Variants in ZNF503 observed in about 807,000 individuals in gnomAD.
The protein encoded by ZNF503 is NocA-like zinc finger 2.
Under a neutral mutation model 34.4 loss-of-function variants are expected in ZNF503, and 15 were observed. That is an observed-to-expected ratio of 0.44 (90% confidence interval 0.29 to 0.67). The LOEUF (loss-of-function observed/expected upper bound fraction) is 0.67, where lower values mean the gene tolerates loss of function less well. Among genes scored for constraint, ZNF503 ranks in the 30% least tolerant of loss-of-function variants. ZNF503 has a pLI of 0.13. For missense variants in ZNF503, 1,007 were observed against 926.8 expected (o/e 1.09, Z -1.12); for synonymous variants, 580 against 456.8 (o/e 1.27, Z -3.44).
chr10:75,400,190 A>C lies in ZNF503; in HGVS notation c.500T>G (p.Ile167Ser), dbSNP rs763071809. The stretch of plus-strand genomic sequence containing the variant: ...GAAACTCGACTTGTCCTCCACGCCG[A>C]TGTCGCTCAGCTTCAGGGGGCCCGA... ...TKSGPLKLSD[I>S]GVEDKSSFKP... The change falls in exon 2 of 2, where the codon ATC (isoleucine) becomes AGC (serine). Residue 167 changes from isoleucine to serine, a missense_variant. Ile to Ser is a moderately radical substitution (Grantham distance 142). Coordinates refer to ENST00000372524, the MANE Select transcript of ZNF503 (RefSeq NM_032772.6). 1.3e-6 allele frequency: 2 copies of C among 1,588,966 alleles called. No individual in the cohort carries two copies. Among genetic ancestry groups the C allele is most frequent in the Non-Finnish European group, 1.7e-6 (2 of 1,170,152 alleles).
the ZNF503 span, among the ~76,000 whole-genome samples, chr10:75,326,164 A>G: frequency 6.6e-6 from 1 of 152,236 alleles, no homozygotes; most frequent in Admixed American, 6.5e-5. Flanking sequence ...TAGAAATACA[A>G]TTGATTTTTT....
At chr10:75,355,345 T>G in the ZNF503 span, among the ~76,000 whole-genome samples, 2 of 152,230 alleles carry the variant, frequency 1.3e-5, no homozygotes, top group African/African-American at 4.8e-5. Context: ...GAATGGGTAA[T>G]CGAAAGACCT....
At chr10:75,339,647 G>A in the ZNF503 span, among the ~76,000 whole-genome samples, 3 of 152,184 alleles carry the variant, frequency 2.0e-5, no homozygotes, top group African/African-American at 7.2e-5. Context: ...TGTCGCCAGC[G>A]AGGAGCCAAG....
rs1037867370 is a variant in ZNF503, at chr10:75,399,520, C to T, written c.1170G>A (p.Val390=). Residue 390 remains valine (V), a synonymous_variant, in exon 2 of 2, where the codon GTG becomes GTA. Coordinates refer to ENST00000372524, the MANE Select transcript of ZNF503 (RefSeq NM_032772.6). ...ALDPTKPGSL[V]GAQLAAAAAG... ...CCGCGGCCGCCGCCAGCTGCGCCCC[C>T]ACCAGGCTGCCCGGCTTGGTGGGGT... 8.2e-6 allele frequency: 13 copies of T among 1,583,186 alleles called. No homozygotes were observed. The highest frequency in any genetic ancestry group is 1.1e-5 in the Non-Finnish European group (13 of 1,171,882).
chr10:75,368,036 G>A, the ZNF503 span, among the ~76,000 whole-genome samples: 3 of 152,154 alleles, frequency 2.0e-5, no homozygotes, highest in Non-Finnish European at 4.4e-5. Flanking sequence ...ATTGAACCTC[G>A]ATAAGCATCT....
the ZNF503 span, chr10:75,284,093 C>T: frequency 1.5e-5 from 2 of 131,220 alleles, no homozygotes; most frequent in African/African-American, 2.8e-5. Flanking sequence ...CCTGTCTGAC[C>T]AATATTTATT....
the ZNF503 span, among the ~76,000 whole-genome samples, chr10:75,375,764 AC>A: frequency 4.6e-5 from 7 of 152,084 alleles, no homozygotes; most frequent in African/African-American, 1.7e-4. Context: ...TGATCTGCCC[AC>A]CTCAGCCTTC....
At chr10:75,348,507 A>ATTTTTT in the ZNF503 span, among the ~76,000 whole-genome samples, 34 of 99,348 alleles carry the variant, frequency 3.4e-4, no homozygotes, top group East Asian at 6.1e-4. Flanking sequence ...CCCTATTACT[A>ATTTTTT]TTTTTTTTTT....
chr10:75,400,154 G>C lies in ZNF503; in HGVS notation c.536C>G (p.Ser179Cys). 1 of 1,561,676 alleles carries C rather than the reference G, an allele frequency of 6.4e-7. No homozygotes were observed. Among genetic ancestry groups the C allele is most frequent in the Non-Finnish European group, 8.7e-7 (1 of 1,153,524 alleles). The stretch of plus-strand genomic sequence containing the variant: ...CTCCTTCTTATCCGAGCCGGGTTTG[G>C]AGTACGGCTTGAAACTCGACTTGTC... ...VEDKSSFKPYSKPGSDKKEPG... is the reference protein window; with the variant it reads ...VEDKSSFKPYCKPGSDKKEPG... The change falls in exon 2 of 2, where the codon TCC becomes TGC. Residue 179 changes from serine to cysteine, a missense_variant. Ser to Cys is a moderately radical substitution (Grantham distance 112). Coordinates refer to ENST00000372524, the MANE Select transcript of ZNF503 (RefSeq NM_032772.6).
the ZNF503 span, among the ~76,000 whole-genome samples, chr10:75,388,548 T>C: frequency 6.6e-6 from 1 of 152,208 alleles, no homozygotes; most frequent in Non-Finnish European, 1.5e-5. Context: ...ACAAGAATAA[T>C]AGACCCTGGA....
rs1843731492 is a variant in ZNF503, at chr10:75,398,530, A to AAGTTTGGGTGGGGAGGTG, written c.*201_*218dup. 1 of 402,722 alleles carries AAGTTTGGGTGGGGAGGTG rather than the reference A, an allele frequency of 2.5e-6. No individual in the cohort carries two copies. Among genetic ancestry groups the AAGTTTGGGTGGGGAGGTG allele is most frequent in the South Asian group, 1.4e-4 (1 of 7,144 alleles). 24.9% of individuals were successfully genotyped at this position (402,722 alleles called of 1,614,324 possible). ...AAATGATATTTTTTCAACTTTTATA[A>AAGTTTGGGTGGGGAGGTG]AGTTTGGGTGGGGAGGTGAAAGTGG... On this transcript the variant is annotated 3_prime_UTR_variant, in exon 2 of 2. Transcript: ENST00000372524.
rs752224677 is a variant in ZNF503, at chr10:75,399,787, G to C, written c.903C>G (p.Gly301=). The C allele has an allele frequency of 6.2e-5, 99 of 1,595,504 alleles. No individual in the cohort carries two copies. Among genetic ancestry groups the C allele is most frequent in the Non-Finnish European group, 8.3e-5 (97 of 1,174,212 alleles). ...NVDVNQHPDG[G]PGGKALGSDC... ...CCGAGCCCAGAGCCTTGCCTCCCGG[G>C]CCCCCATCCGGATGCTGGTTCACAT... The change falls in exon 2 of 2, where the codon GGC becomes GGG. Residue 301 remains glycine, a synonymous_variant. Transcript: ENST00000372524.
At chr10:75,391,201 T>C in the ZNF503 span, among the ~76,000 whole-genome samples, 3 of 152,158 alleles carry the variant, frequency 2.0e-5, no homozygotes, top group Non-Finnish European at 4.4e-5. Flanking sequence ...AACATGACAT[T>C]TCCCAGCCTC....
chr10:75,350,029 G>T, the ZNF503 span, among the ~76,000 whole-genome samples: 3 of 152,180 alleles, frequency 2.0e-5, no homozygotes, highest in Non-Finnish European at 2.9e-5. Context: ...TAAGTGAAAA[G>T]AGCAAGTTTT....
the ZNF503 span, among the ~76,000 whole-genome samples, chr10:75,356,475 A>G: frequency 6.6e-6 from 1 of 152,232 alleles, no homozygotes; most frequent in Non-Finnish European, 1.5e-5. Flanking sequence ...TCAGCCTCCC[A>G]AAGTGCTGGG....
At chr10:75,302,594 C>T in the ZNF503 span, among the ~76,000 whole-genome samples, 1 of 152,192 alleles carries the variant, frequency 6.6e-6, no homozygotes, top group South Asian at 2.1e-4. Context: ...GTCTAGTATA[C>T]ATACACACAG....
At chr10:75,300,661 C>T in the ZNF503 span, among the ~76,000 whole-genome samples, 5 of 151,688 alleles carry the variant, frequency 3.3e-5, no homozygotes, top group African/African-American at 1.2e-4. Flanking sequence ...CGTTCGGGGT[C>T]CCTGACTTCC....
At chr10:75,292,958 G>A in the ZNF503 span, among the ~76,000 whole-genome samples, 1 of 152,180 alleles carries the variant, frequency 6.6e-6, no homozygotes. Context: ...CGAGCCCTAT[G>A]TGACTTTCGA....
At chr10:75,280,137 G>GT in the ZNF503 span, 1 of 151,268 alleles carries the variant, frequency 6.6e-6, no homozygotes, top group Non-Finnish European at 1.5e-5. Flanking sequence ...CAAGCCAAAA[G>GT]TAAAAAAAAA....
Sources: gnomAD v4.1 joint callset for allele counts (sites outside exome capture counted in the v4.1 genomes callset) on GRCh38, gnomAD v4.1.1 for gene constraint, MANE v1.5 for transcripts, NCBI Gene and HGNC (gene_info 2026-07-23, HGNC 2026-07-21) for gene names.